Variants in TRAK1 observed in about 807,000 individuals in gnomAD.
The protein encoded by TRAK1 is trafficking kinesin-binding protein 1.
In TRAK1, 33 loss-of-function variants were observed where a neutral mutation model predicts 92.1. That is an observed-to-expected ratio of 0.36 (90% CI 0.27 to 0.48). TRAK1 has a LOEUF of 0.48. Among genes scored for constraint, TRAK1 ranks in the 20% least tolerant of loss-of-function variants. TRAK1 has a pLI of 0.99. For missense variants in TRAK1, 1,123 were observed against 1,257.9 expected, an observed-to-expected ratio of 0.89 and a Z score of 1.62; for synonymous variants, 521 against 517.3, an observed-to-expected ratio of 1.01 and a Z score of -0.10.
chr3:42,214,827 T>C lies in TRAK1; in HGVS notation c.1964-4667T>C, dbSNP rs574026814. On this transcript the variant is annotated intron_variant, in intron 14 of 15. Transcript: ENST00000327628. Reference sequence around the variant, plus strand: ...GCTGCAGGGGCAGTCGAGAGCTCTGTTGAAGAAATGCTTAAGCAGAGAAAA... The same window carrying C: ...GCTGCAGGGGCAGTCGAGAGCTCTGCTGAAGAAATGCTTAAGCAGAGAAAA... Among the ~76,000 whole-genome samples the C allele has an allele frequency of 3.3e-5, 5 of 152,274 alleles. No homozygotes were observed. In the East Asian group the frequency reaches 9.7e-4, roughly 29 times the overall value.
intron 14 of TRAK1, chr3:42,217,686 G>A: frequency 2.0e-6 from 2 of 985,348 alleles, no homozygotes; most frequent in African/African-American, 1.7e-5. Context: ...TCTTTCAACT[G>A]TGTTGTCTTA....
intron 2 of TRAK1, among the ~76,000 whole-genome samples, chr3:42,146,650 G>T (rs1355176174): frequency 1.3e-5 from 2 of 152,174 alleles, no homozygotes; most frequent in African/African-American, 4.8e-5. Flanking sequence ...GAAGTCCTGG[G>T]CTCAGGTGAT....
chr3:42,093,645 T>C (rs1419494088), intron 1 of TRAK1, among the ~76,000 whole-genome samples: 2 of 71,088 alleles, frequency 2.8e-5, no homozygotes, highest in African/African-American at 5.8e-5. Flanking sequence ...CTTCTCTTTT[T>C]TCTCCCCTTC....
chr3:42,038,802 A>AAGT (rs1559714995), intron 1 of TRAK1, among the ~76,000 whole-genome samples: 1 of 105,924 alleles, frequency 9.4e-6, no homozygotes, highest in African/African-American at 5.1e-5. Context: ...AAAAAAAAAA[A>AAGT]GTTTTTTTTT....
At position 42,139,811 on chromosome 3, in the gene TRAK1, G is replaced by T. The variant is rs933486484; in HGVS notation, c.286+14197G>T. On this transcript the variant is annotated intron_variant, in intron 2 of 15. Coordinates refer to ENST00000327628, the MANE Select transcript of TRAK1 (RefSeq NM_001042646.3). ...GGTGGGAAATTGACATGACAGCTCA[G>T]CTCACACTCCACCTCCCGTGATGGG... Among the ~76,000 whole-genome samples, 6 of 152,172 alleles carry T rather than the reference G, an allele frequency of 3.9e-5. No individual in the cohort carries two copies. In the East Asian group the frequency reaches 1.2e-3, roughly 29 times the overall value.
chr3:42,157,457 CAAAAA>C (rs60622565), intron 2 of TRAK1, among the ~76,000 whole-genome samples: 127 of 31,092 alleles, frequency 4.1e-3, no homozygotes, highest in African/African-American at 0.013. Context: ...GACCCTGTCT[CAAAAA>C]AAAAAAAAAA....
chr3:42,105,621 C>A (rs1193944530), intron 1 of TRAK1, among the ~76,000 whole-genome samples: 11 of 152,130 alleles, frequency 7.2e-5, no homozygotes, highest in Non-Finnish European at 1.2e-4. Flanking sequence ...GAGAACTTCC[C>A]CAACCTAGCG....
At chr3:42,190,375 G>A (rs1705534876) in intron 6 of TRAK1, among the ~76,000 whole-genome samples, 1 of 152,142 alleles carries the variant, frequency 6.6e-6, no homozygotes, top group Non-Finnish European at 1.5e-5. Context: ...GTCTGAACAA[G>A]ATGCTCTTCT....
intron 15 of TRAK1, 31 bp downstream of exon 15, chr3:42,219,627 G>A (rs1482198712): frequency 2.5e-6 from 4 of 1,592,350 alleles, no homozygotes; most frequent in South Asian, 1.1e-5. Context: ...GGTGGGCAGG[G>A]GTGGGGTGAA....
At chr3:42,166,579 A>G (rs1447138130) in intron 2 of TRAK1, among the ~76,000 whole-genome samples, 1 of 152,212 alleles carries the variant, frequency 6.6e-6, no homozygotes, top group Non-Finnish European at 1.5e-5. Flanking sequence ...CTGAGTTTTA[A>G]GTGAAATAAT....
chr3:42,023,953 C>G lies in TRAK1; in HGVS notation c.-519+9836C>G, dbSNP rs375702938. Among the ~76,000 whole-genome samples, 224 of 152,074 alleles carry G rather than the reference C, an allele frequency of 1.5e-3. 2 individuals carry two copies. The highest frequency in any genetic ancestry group is 5.3e-3 in the African/African-American group (220 of 41,482). ...TATTTTTAGTAGGGATGGGGTTTCG[C>G]CATGTTGGCCAGGCTGGTCTCGAAT... On this transcript the variant is annotated intron_variant, in intron 1 of 16. Transcript: ENST00000487159.
intron 1 of TRAK1, among the ~76,000 whole-genome samples, chr3:42,048,646 C>T (rs1702858065): frequency 6.6e-6 from 1 of 151,716 alleles, no homozygotes; most frequent in Non-Finnish European, 1.5e-5. Context: ...TCACTGCAAC[C>T]TCCACCCTGG....
At chr3:42,138,887 G>T (rs976340528) in intron 2 of TRAK1, among the ~76,000 whole-genome samples, 1 of 134,936 alleles carries the variant, frequency 7.4e-6, no homozygotes, top group Admixed American at 7.1e-5. Flanking sequence ...GTGTGTGTGT[G>T]TGTGTGTGTG....
intron 1 of TRAK1, among the ~76,000 whole-genome samples, chr3:42,101,228 C>T (rs1352573748): frequency 6.6e-6 from 1 of 152,222 alleles, no homozygotes; most frequent in Non-Finnish European, 1.5e-5. Flanking sequence ...TGCTTAGAGC[C>T]TCCCACTGGA....
At chr3:42,088,164 A>G (rs768833128), upstream of TRAK1, among the ~76,000 whole-genome samples, 18 of 152,170 alleles carry the variant, frequency 1.2e-4, no homozygotes, top group Non-Finnish European at 1.9e-4. Context: ...TGTCTGTTTG[A>G]AGTAATGCCT....
At chr3:42,199,632 A>AG (rs1366003843) in intron 11 of TRAK1, among the ~76,000 whole-genome samples, 1 of 152,154 alleles carries the variant, frequency 6.6e-6, no homozygotes, top group East Asian at 1.9e-4. Flanking sequence ...ATTTAAAAAA[A>AG]TCTTTTGTAG....
At chr3:42,142,354 C>T (rs1049964371) in intron 2 of TRAK1, among the ~76,000 whole-genome samples, 5 of 152,128 alleles carry the variant, frequency 3.3e-5, no homozygotes, top group South Asian at 4.1e-4. Context: ...AAAACATGTA[C>T]GAGTTTTGTT....
intron 1 of TRAK1, among the ~76,000 whole-genome samples, chr3:42,106,836 A>G (rs1050768076): frequency 4.6e-5 from 7 of 152,186 alleles, no homozygotes; most frequent in African/African-American, 1.7e-4. Flanking sequence ...ATCTCATTTG[A>G]TGTTTTGAAA....
At chr3:42,209,705 G>C in intron 13 of TRAK1, 62 bp from the exon 14 acceptor site, 1 of 1,519,996 alleles carries the variant, frequency 6.6e-7, no homozygotes, top group East Asian at 2.3e-5. Flanking sequence ...CATTGTCTTG[G>C]ACTTCCATCC....
Sources: allele counts gnomAD v4.1 joint callset (sites outside exome capture counted in the v4.1 genomes callset), GRCh38; gene constraint gnomAD v4.1.1; transcripts MANE v1.5; gene names NCBI Gene and HGNC (gene_info 2026-07-23, HGNC 2026-07-21).